PRPSAP2: variants seen among roughly 807,000 people sequenced by gnomAD.
The protein encoded by PRPSAP2 is phosphoribosyl pyrophosphate synthetase associated protein 2, also known as phosphoribosyl pyrophosphate synthase-associated protein 2.
PRPSAP2 carries 24 observed loss-of-function variants against 40.6 expected under a neutral mutation model. The ratio of observed to expected loss-of-function variants is 0.59; its 90% CI spans 0.43 to 0.83. PRPSAP2 has a LOEUF of 0.83. Among genes scored for constraint, PRPSAP2 ranks in the 40% least tolerant of loss-of-function variants. The pLI, the probability that PRPSAP2 is intolerant of heterozygous loss-of-function variation, is 0.00. For synonymous variants in PRPSAP2, 149 were observed against 164.7 expected (o/e 0.90, Z 0.73); for missense variants, 292 against 465.6 (o/e 0.63, Z 3.43).
At chr17:18,878,440 C>G (rs965702763) in intron 6 of PRPSAP2, among the ~76,000 whole-genome samples, 9 of 152,216 alleles carry the variant, frequency 5.9e-5, no homozygotes, top group African/African-American at 2.2e-4. Context: ...TTTCAGGTAA[C>G]AACCTAAGTA....
chr17:18,911,051 C>T lies in PRPSAP2; in HGVS notation c.585-52C>T. 6.5e-7 allele frequency: 1 copy of T among 1,536,022 alleles called. No individual in the cohort carries two copies. On this transcript the variant is annotated intron_variant, in intron 8 of 11. Transcript: ENST00000268835. The surrounding 1 kb of genome is among the most constrained non-coding windows in gnomAD (Gnocchi z 4.5). ...TAATGTTTTGTCCCCTAGGCATTAG[C>T]AGAACCAAGGGCTGCATGAGTTTTG...
At chr17:18,927,766 G>A (rs576227106) in intron 10 of PRPSAP2, among the ~76,000 whole-genome samples, 83 of 152,084 alleles carry the variant, frequency 5.5e-4, no homozygotes, top group African/African-American at 1.9e-3. Context: ...GACTTTTAAA[G>A]TAGCGTGTGT....
chr17:18,863,243 A>G (rs2037172953), intron 1 of PRPSAP2, among the ~76,000 whole-genome samples: 1 of 151,816 alleles, frequency 6.6e-6, no homozygotes, highest in Non-Finnish European at 1.5e-5. Flanking sequence ...GGCTCAAGTG[A>G]TCCTCCCACC....
At chr17:18,876,002 G>A (rs558333079) in intron 5 of PRPSAP2, among the ~76,000 whole-genome samples, 11 of 152,052 alleles carry the variant, frequency 7.2e-5, no homozygotes, top group African/African-American at 2.4e-4. Flanking sequence ...GCATGGTGGC[G>A]CATGCCTGTG....
intron 7 of PRPSAP2, among the ~76,000 whole-genome samples, chr17:18,887,319 A>G (rs1243781555): frequency 6.6e-6 from 1 of 151,660 alleles, no homozygotes; most frequent in Non-Finnish European, 1.5e-5. Context: ...GGGTTCAAAC[A>G]ATTCTCCTGG....
At chr17:18,902,455 C>G (rs1156270686) in intron 8 of PRPSAP2, among the ~76,000 whole-genome samples, 4 of 152,146 alleles carry the variant, frequency 2.6e-5, no homozygotes, top group Admixed American at 1.3e-4. Flanking sequence ...AACAGACCCA[C>G]AGAGATGAAG....
chr17:18,919,435 G>T (rs1310176332), intron 9 of PRPSAP2, among the ~76,000 whole-genome samples: 1 of 151,868 alleles, frequency 6.6e-6, no homozygotes, highest in Non-Finnish European at 1.5e-5. Flanking sequence ...TTGAACCCAG[G>T]AGGCAGAGGT....
intron 8 of PRPSAP2, among the ~76,000 whole-genome samples, chr17:18,899,030 A>G (rs1231773954): frequency 1.3e-5 from 2 of 152,056 alleles, no homozygotes; most frequent in Middle Eastern, 3.4e-3. Context: ...TCAGCCTCCC[A>G]AGTAGCTGGG....
chr17:18,877,316 T>C (rs2151902460), intron 5 of PRPSAP2, among the ~76,000 whole-genome samples: 1 of 152,248 alleles, frequency 6.6e-6, no homozygotes, highest in African/African-American at 2.4e-5. Context: ...TTGTGGCCGA[T>C]GGGTTATCAG....
intron 7 of PRPSAP2, among the ~76,000 whole-genome samples, chr17:18,885,380 C>T (rs1204762837): frequency 9.0e-6 from 1 of 111,678 alleles, no homozygotes; most frequent in Non-Finnish European, 1.6e-5. Flanking sequence ...GTGATCTGGG[C>T]GACAGAGTGA....
intron 1 of PRPSAP2, among the ~76,000 whole-genome samples, chr17:18,861,939 G>A (rs894747336): frequency 7.9e-5 from 12 of 151,900 alleles, no homozygotes; most frequent in African/African-American, 1.7e-4. Context: ...CCAGGCTGGC[G>A]TGCAGTGGTG....
intron 5 of PRPSAP2, among the ~76,000 whole-genome samples, chr17:18,875,382 G>A (rs564730912): frequency 6.6e-6 from 1 of 152,142 alleles, no homozygotes; most frequent in African/African-American, 2.4e-5. Context: ...AGGCCAACAC[G>A]GTGAAACCCT....
intron 7 of PRPSAP2, among the ~76,000 whole-genome samples, chr17:18,883,748 T>C (rs1206586671): frequency 2.6e-5 from 4 of 152,182 alleles, no homozygotes; most frequent in Admixed American, 2.0e-4. Context: ...AACTTCTTTT[T>C]ACAGTACTGT....
At chr17:18,866,527 C>T (rs59572604) in intron 3 of PRPSAP2, among the ~76,000 whole-genome samples, 16,162 of 152,096 alleles carry the variant, frequency 0.11, 1,397 homozygotes, top group East Asian at 0.45. Context: ...CCACTGCACT[C>T]CAGCCTGGGC....
intron 6 of PRPSAP2, among the ~76,000 whole-genome samples, chr17:18,878,550 TTTTA>T (rs558213010): frequency 2.6e-5 from 4 of 152,026 alleles, no homozygotes; most frequent in Non-Finnish European, 5.9e-5. Context: ...GTGTATATGA[TTTTA>T]TTTATTTATT....
chr17:18,917,996 A>G (rs566720334), intron 9 of PRPSAP2, among the ~76,000 whole-genome samples: 3 of 152,066 alleles, frequency 2.0e-5, no homozygotes, highest in African/African-American at 7.2e-5. Flanking sequence ...GCTCAAAATA[A>G]TTTTTAGGTC....
intron 1 of PRPSAP2, among the ~76,000 whole-genome samples, chr17:18,858,884 T>C (rs2036796693): frequency 6.6e-6 from 1 of 152,016 alleles, no homozygotes; most frequent in African/African-American, 2.4e-5. Flanking sequence ...GTTTAAAAAA[T>C]TTAATTGCAC....
chr17:18,924,768 C>CAA (rs869181375), intron 10 of PRPSAP2, among the ~76,000 whole-genome samples: 35 of 84,724 alleles, frequency 4.1e-4, no homozygotes, highest in Non-Finnish European at 7.4e-4. Context: ...GGCTGTGTCT[C>CAA]AAAAAAAAAA....
chr17:18,902,213 A>C (rs1352549716), intron 8 of PRPSAP2, among the ~76,000 whole-genome samples: 1 of 152,126 alleles, frequency 6.6e-6, no homozygotes, highest in African/African-American at 2.4e-5. Flanking sequence ...CCACCTGTTC[A>C]CAGAGGGATG....
Sources: allele counts gnomAD v4.1 joint callset (sites outside exome capture counted in the v4.1 genomes callset), GRCh38; gene constraint gnomAD v4.1.1; non-coding constraint Gnocchi (gnomAD v3.1); transcripts MANE v1.5; gene names NCBI Gene and HGNC (gene_info 2026-07-23, HGNC 2026-07-21).